RSPH14: variants seen among roughly 807,000 people sequenced by gnomAD.
The protein encoded by RSPH14 is rhabdoid tumor deletion region gene 1.
In RSPH14, 20 loss-of-function variants were observed where a neutral mutation model predicts 26.7. That is an observed-to-expected ratio of 0.75 (90% CI 0.53 to 1.09). The LOEUF is 1.09. Ranked by LOEUF, RSPH14 falls within the 50% of genes least tolerant of loss-of-function variation. The probability of loss-of-function intolerance (pLI) is 0.00; values close to 1 mark genes in which losing one functional copy is unlikely to be tolerated. For synonymous variants in RSPH14, 177 were observed against 189.3 expected (o/e 0.93, Z 0.53); for missense variants, 449 against 457.2 (o/e 0.98, Z 0.16).
the RSPH14 span, among the ~76,000 whole-genome samples, chr22:23,167,544 G>A: frequency 6.6e-6 from 1 of 152,156 alleles, no homozygotes; most frequent in African/African-American, 2.4e-5. Flanking sequence ...CCTGGGGGAT[G>A]GGATGGACCA....
At chr22:23,121,565 CAG>C (rs964890736) in intron 4 of RSPH14, among the ~76,000 whole-genome samples, 6 of 152,168 alleles carry the variant, frequency 3.9e-5, no homozygotes, top group African/African-American at 1.2e-4. Context: ...GATGTGAGAA[CAG>C]ACTGGCAGCT....
the RSPH14 span, chr22:23,153,056 G>A: frequency 8.1e-6 from 13 of 1,613,908 alleles, no homozygotes; most frequent in East Asian, 2.2e-5. Flanking sequence ...GTTTTTGATC[G>A]AGACTACAAG....
intron 1 of RSPH14, among the ~76,000 whole-genome samples, chr22:23,141,222 G>A (rs951699338): frequency 2.6e-5 from 4 of 151,698 alleles, no homozygotes; most frequent in African/African-American, 4.8e-5. Flanking sequence ...CCAGCTACTC[G>A]GGAGGCTGAG....
At chr22:23,114,263 T>C in intron 4 of RSPH14, among the ~76,000 whole-genome samples, 1 of 152,108 alleles carries the variant, frequency 6.6e-6, no homozygotes, top group Non-Finnish European at 1.5e-5. Flanking sequence ...AAAGCTGAAT[T>C]CACGGTTCGG....
At chr22:23,158,787 G>A in the RSPH14 span, 1 of 945,684 alleles carries the variant, frequency 1.1e-6, no homozygotes, top group Non-Finnish European at 1.7e-6. Context: ...AGCCCTCCTT[G>A]TCCCTCCCAG....
intron 4 of RSPH14, among the ~76,000 whole-genome samples, chr22:23,066,212 T>C (rs988119768): frequency 1.3e-5 from 2 of 152,338 alleles, no homozygotes; most frequent in South Asian, 2.1e-4. Context: ...CAGGGCTAGA[T>C]TGTAGCCTCG....
intron 4 of RSPH14, among the ~76,000 whole-genome samples, chr22:23,096,584 G>A (rs911081004): frequency 6.6e-6 from 1 of 152,190 alleles, no homozygotes; most frequent in Non-Finnish European, 1.5e-5. Context: ...TGGGGGCAGA[G>A]GGAACAGGGT....
the RSPH14 span, among the ~76,000 whole-genome samples, chr22:23,175,162 ATTTG>A: frequency 6.6e-6 from 1 of 151,650 alleles, no homozygotes; most frequent in Non-Finnish European, 1.5e-5. Context: ...CACCCGGCTA[ATTTG>A]TTTTTGTATT....
At chr22:23,164,811 C>T in the RSPH14 span, among the ~76,000 whole-genome samples, 2 of 152,156 alleles carry the variant, frequency 1.3e-5, no homozygotes, top group Non-Finnish European at 2.9e-5. Flanking sequence ...GTACCTGAAG[C>T]AGGTCCTCTC....
At chr22:23,179,872 C>T in the RSPH14 span, 2 of 222,840 alleles carry the variant, frequency 9.0e-6, no homozygotes, top group Non-Finnish European at 8.7e-6. Flanking sequence ...GTGTGCCCAG[C>T]CCTGAGGCTG....
At chr22:23,172,415 C>CAA in the RSPH14 span, among the ~76,000 whole-genome samples, 7 of 59,344 alleles carry the variant, frequency 1.2e-4, no homozygotes, top group African/African-American at 2.6e-4. Context: ...GATTCTGTCT[C>CAA]AAAAAAAAAA....
chr22:23,138,704 C>G lies in RSPH14; in HGVS notation c.302+136G>C, dbSNP rs1041999133. 5.8e-6 allele frequency: 4 copies of G among 693,906 alleles called. No homozygotes were observed. The African/African-American group carries it at 7.2e-5, about 12-fold the overall frequency. The allele number at this position is 693,906 out of a possible 1,614,324, so 43.0% of individuals were successfully genotyped here. On this transcript the variant is annotated intron_variant, in intron 3 of 6. Transcript: ENST00000216036. The stretch of plus-strand genomic sequence containing the variant: ...AAACCACCCCACAAAGAGTCCTGCT[C>G]TGGCTAAATAGAAGCCCCTGCAAAA...
At chr22:23,146,736 G>A (rs149055736), upstream of RSPH14, 26,439 of 1,601,936 alleles carry the variant, frequency 0.017, 313 homozygotes, top group Non-Finnish European at 0.021. Flanking sequence ...AGCCACATCA[G>A]CTCTCCCCAC....
the RSPH14 span, among the ~76,000 whole-genome samples, chr22:23,160,324 TGC>T: frequency 0.015 from 2,350 of 152,274 alleles, 62 homozygotes; most frequent in African/African-American, 0.053. Flanking sequence ...CAAGCAGGAC[TGC>T]CCTATGCGGT....
chr22:23,078,960 C>T (rs947236340), intron 4 of RSPH14, among the ~76,000 whole-genome samples: 4 of 152,168 alleles, frequency 2.6e-5, no homozygotes, highest in African/African-American at 7.2e-5. Flanking sequence ...CGGGCCTTTC[C>T]AGAAGACCTC....
At chr22:23,102,196 G>T (rs577216875) in intron 4 of RSPH14, among the ~76,000 whole-genome samples, 1 of 152,226 alleles carries the variant, frequency 6.6e-6, no homozygotes, top group Non-Finnish European at 1.5e-5. Flanking sequence ...GCCTTCAGCC[G>T]CTCTGAGCCT....
chr22:23,143,454 C>G (rs913126904), upstream of RSPH14, among the ~76,000 whole-genome samples: 1 of 152,034 alleles, frequency 6.6e-6, no homozygotes, highest in African/African-American at 2.4e-5. Flanking sequence ...AGAAAATAGC[C>G]CTTGTCACCT....
chr22:23,167,187 T>G, the RSPH14 span, among the ~76,000 whole-genome samples: 6 of 152,078 alleles, frequency 3.9e-5, no homozygotes, highest in Non-Finnish European at 5.9e-5. Context: ...TGGGGCTCAA[T>G]GTCTCTCAGT....
At chr22:23,120,536 T>C (rs1439395159) in intron 4 of RSPH14, among the ~76,000 whole-genome samples, 6 of 152,108 alleles carry the variant, frequency 3.9e-5, no homozygotes, top group Admixed American at 3.9e-4. Context: ...CTTACCTAAA[T>C]TCCACTGCCT....
Sources: allele counts gnomAD v4.1 joint callset (sites outside exome capture counted in the v4.1 genomes callset), GRCh38; gene constraint gnomAD v4.1.1; transcripts MANE v1.5; gene names NCBI Gene and HGNC (gene_info 2026-07-23, HGNC 2026-07-21).